Variants in FAM181A observed in about 807,000 individuals in gnomAD.
The protein encoded by FAM181A is protein FAM181A.
FAM181A carries 7 observed loss-of-function variants against 16.3 expected under a neutral mutation model. The observed-to-expected ratio is 0.43, with a 90% CI of 0.24 to 0.81. The LOEUF is 0.81. Ranked by LOEUF, FAM181A falls within the 30% of genes least tolerant of loss-of-function variation. The pLI is 0.24. For synonymous variants in FAM181A, 183 were observed against 164.9 expected, an observed-to-expected ratio of 1.11 and a Z score of -0.84; for missense variants, 349 against 377.5, an observed-to-expected ratio of 0.92 and a Z score of 0.63.
At chr14:93,927,831 C>T (rs981913958) in intron 1 of FAM181A, among the ~76,000 whole-genome samples, 2 of 151,842 alleles carry the variant, frequency 1.3e-5, no homozygotes, top group Non-Finnish European at 2.9e-5. Context: ...ATAAACACCT[C>T]GCTGGCAAGT....
chr14:93,925,678 G>C (rs1490667211), upstream of FAM181A, among the ~76,000 whole-genome samples: 3 of 151,674 alleles, frequency 2.0e-5, no homozygotes, highest in Non-Finnish European at 4.4e-5. Flanking sequence ...GGCACGTAGT[G>C]GCCAACAATC....
Position 93,928,289 on chromosome 14 carries a change from G to A in FAM181A, c.4G>A (p.Ala2Thr). The change falls in exon 2 of 2, where the codon GCA becomes ACA. Residue 2 changes from alanine (A) to threonine (T), a missense_variant. Transcript: ENST00000556222. ...CTCGTGCAGTGGCCCCCTGGTGATG[G>A]CATCCGACAGTGATGTGAAGATGCT... M[A>T]SDSDVKMLLN... is the part of the protein sequence containing the mutation. 6.2e-7 allele frequency: 1 copy of A among 1,613,672 alleles called. No individual in the cohort carries two copies. The highest frequency in any genetic ancestry group is 8.5e-7 in the Non-Finnish European group (1 of 1,180,016).
chr14:93,928,760 C>T lies in FAM181A; in HGVS notation c.475C>T (p.Pro159Ser). 2 of 1,613,924 alleles carry T rather than the reference C, an allele frequency of 1.2e-6. No individual in the cohort carries two copies. The highest frequency in any genetic ancestry group is 3.3e-5 in the Admixed American group (2 of 60,024). ...TGTGGGGCTGGAGGGGGGACTGGGC[C>T]CCAGGGAGGGACCTCCCTATGAGGG... The part of the protein sequence containing the change: ...YHVGLEGGLG[P>S]REGPPYEGKK... The change falls in exon 2 of 2, where the codon CCC (proline) becomes TCC (serine). Residue 159 changes from proline (P) to serine (S), a missense_variant. Pro to Ser is a moderately conservative substitution (Grantham distance 74). Transcript: ENST00000556222.
chr14:93,925,072 T>C (rs1054298509), upstream of FAM181A: 180 of 552,568 alleles, frequency 3.3e-4, no homozygotes, highest in Non-Finnish European at 7.8e-5. Flanking sequence ...ACAGCCCACA[T>C]TAAGAGCTTT....
At position 93,929,263 on chromosome 14, in the gene FAM181A, C is replaced by T; in HGVS notation, c.*99C>T. The T allele has an allele frequency of 6.9e-7, 1 of 1,442,390 alleles. No individual in the cohort carries two copies. Among genetic ancestry groups the T allele is most frequent in the Non-Finnish European group, 9.2e-7 (1 of 1,091,288 alleles). 89.3% of individuals were successfully genotyped at this position (1,442,390 alleles called of 1,614,324 possible). ...GGAGGTGGCTGGGCCACAGTGTGGC[C>T]TCTTCCGTTTGTGTGCGCATGGGAG... On this transcript the variant is annotated 3_prime_UTR_variant, in exon 2 of 2. Coordinates refer to ENST00000556222, the MANE Select transcript of FAM181A (RefSeq NM_001207073.2).
chr14:93,924,440 G>C (rs1024221789), upstream of FAM181A, among the ~76,000 whole-genome samples: 1 of 152,230 alleles, frequency 6.6e-6, no homozygotes, highest in African/African-American at 2.4e-5. Context: ...AATAATGAGA[G>C]AACACTGGGA....
chr14:93,925,124 C>T (rs1315428478), upstream of FAM181A: 1 of 674,730 alleles, frequency 1.5e-6, no homozygotes, highest in African/African-American at 1.8e-5. Context: ...CCCACGGAGT[C>T]CACGGGCCTG....
At position 93,928,208 on chromosome 14, in the gene FAM181A, G is replaced by A; in HGVS notation, c.-78G>A. 1 of 1,612,984 alleles carries A rather than the reference G, an allele frequency of 6.2e-7. No homozygotes were observed. Among genetic ancestry groups the A allele is most frequent in the Non-Finnish European group, 8.5e-7 (1 of 1,179,674 alleles). On this transcript the variant is annotated 5_prime_UTR_variant, in exon 2 of 2. The change creates a new upstream start codon in the 5' untranslated region. Coordinates refer to ENST00000556222, the MANE Select transcript of FAM181A (RefSeq NM_001207073.2). ...CTGTTTTGTCCCCCAGGTCAGCTCGGTGCCCTTCCTTGGAGCTGCCGGCCA... is the reference window on the plus strand; with the variant it reads ...CTGTTTTGTCCCCCAGGTCAGCTCGATGCCCTTCCTTGGAGCTGCCGGCCA...
At chr14:93,925,002 CCTTT>C (rs1000810584), upstream of FAM181A, 1 of 485,612 alleles carries the variant, frequency 2.1e-6, no homozygotes, top group African/African-American at 2.0e-5. Flanking sequence ...CTCTCCCTTT[CCTTT>C]CTCTCTTCCC....
At chr14:93,924,901 C>T (rs1402228118), upstream of FAM181A, 48 of 253,460 alleles carry the variant, frequency 1.9e-4, no homozygotes, top group Non-Finnish European at 5.2e-5. Flanking sequence ...CGGAGCTGCC[C>T]CGAGGGTCAG....
intron 1 of FAM181A, among the ~76,000 whole-genome samples, chr14:93,920,724 T>C (rs2141250354): frequency 6.6e-6 from 1 of 152,268 alleles, no homozygotes; most frequent in East Asian, 1.9e-4. Context: ...CACAGCTACA[T>C]CATATCCCAT....
chr14:93,929,366 C>A lies in FAM181A; in HGVS notation c.*202C>A. 1 of 677,036 alleles carries A rather than the reference C, an allele frequency of 1.5e-6. No homozygotes were observed. The highest frequency in any genetic ancestry group is 2.2e-6 in the Non-Finnish European group (1 of 453,220). The allele number at this position is 677,036 out of a possible 1,614,324, so 41.9% of individuals were successfully genotyped here. On this transcript the variant is annotated 3_prime_UTR_variant, in exon 2 of 2. Coordinates refer to ENST00000556222, the MANE Select transcript of FAM181A (RefSeq NM_001207073.2). ...AGCCTTGGAAGCTGGGAGGCTGGACCTGGTTGGCCCCTCCCCAGGCAGGCC... is the reference window on the plus strand; with the variant it reads ...AGCCTTGGAAGCTGGGAGGCTGGACATGGTTGGCCCCTCCCCAGGCAGGCC...
At chr14:93,928,177 G>A (rs762637772) in intron 1 of FAM181A, 22 bp from the exon 2 acceptor site, 16 of 1,605,508 alleles carry the variant, frequency 1.0e-5, no homozygotes, top group Admixed American at 1.7e-5. Flanking sequence ...GAGAGACTCC[G>A]ATGGCCTGTT....
intron 1 of FAM181A, 85 bp downstream of exon 1, chr14:93,927,539 G>A (rs1002219941): frequency 2.3e-5 from 29 of 1,284,156 alleles, no homozygotes; most frequent in Middle Eastern, 3.2e-4. Context: ...GCGAGGTGCC[G>A]TGGGTGGCGG....
At position 93,928,823 on chromosome 14, in the gene FAM181A, G is replaced by A. The variant is rs746138270; in HGVS notation, c.538G>A (p.Glu180Lys). The A allele has an allele frequency of 2.5e-6, 4 of 1,614,056 alleles. No homozygotes were observed. The change falls in exon 2 of 2, where the codon GAG becomes AAG. Residue 180 changes from glutamate to lysine, a missense_variant. Physicochemically the swap from Glu to Lys is moderately conservative, Grantham distance 56. Transcript: ENST00000556222. ...CAAGGGCTTGGAGCCCCTGGGACCT[G>A]AGACTACCCTGGTGTCCATGTCTCC... ...NCKGLEPLGP[E>K]TTLVSMSPRA...
At position 93,929,269 on chromosome 14, in the gene FAM181A, C is replaced by T. The variant is rs114797132; in HGVS notation, c.*105C>T. On this transcript the variant is annotated 3_prime_UTR_variant, in exon 2 of 2. Transcript: ENST00000556222. ...GGCTGGGCCACAGTGTGGCCTCTTC[C>T]GTTTGTGTGCGCATGGGAGTGGAGG... 1,555 of 1,402,180 alleles carry T rather than the reference C, an allele frequency of 1.1e-3. 7 individuals are homozygous for T. In the African/African-American group the frequency reaches 0.016, roughly 14 times the overall value. 86.9% of individuals were successfully genotyped at this position (1,402,180 alleles called of 1,614,324 possible).
chr14:93,925,341 G>A (rs1799100392), upstream of FAM181A: 1 of 1,613,328 alleles, frequency 6.2e-7, no homozygotes. Flanking sequence ...CAGAAGGCCT[G>A]GGGAGAAAAG....
chr14:93,923,053 C>A (rs887020303), upstream of FAM181A, among the ~76,000 whole-genome samples: 2 of 152,112 alleles, frequency 1.3e-5, no homozygotes, highest in African/African-American at 4.8e-5. Context: ...CAGCTCACTG[C>A]AACATCTGCC....
At chr14:93,927,523 G>GGAGGGGC in intron 1 of FAM181A, 69 bp downstream of exon 1, 7 of 1,281,424 alleles carry the variant, frequency 5.5e-6, no homozygotes, top group Non-Finnish European at 7.1e-6. Context: ...GGGGCCTGGG[G>GGAGGGGC]GAGGGGCGAG....
Sources: allele counts gnomAD v4.1 joint callset (sites outside exome capture counted in the v4.1 genomes callset), GRCh38; gene constraint gnomAD v4.1.1; transcripts MANE v1.5; gene names NCBI Gene and HGNC (gene_info 2026-07-23, HGNC 2026-07-21).